The following DLGAP2 variants were observed in gnomAD, a reference collection of about 807,000 sequenced individuals.
DLGAP2 encodes the protein DLG associated protein 2, also known as disks large-associated protein 2.
In DLGAP2, 26 loss-of-function variants were observed where a neutral mutation model predicts 100.3. The observed-to-expected ratio is 0.26, with a 90% CI of 0.19 to 0.36. The LOEUF (loss-of-function observed/expected upper bound fraction) is 0.36, where lower values mean the gene tolerates loss of function less well. DLGAP2 is among the 10% of genes least tolerant of loss of function. The probability of loss-of-function intolerance (pLI) is 1.00; values close to 1 mark genes in which losing one functional copy is unlikely to be tolerated. For synonymous variants in DLGAP2, 886 were observed against 630.1 expected, an observed-to-expected ratio of 1.41 and a Z score of -6.08; for missense variants, 1,858 against 1,453.2, an observed-to-expected ratio of 1.28 and a Z score of -4.53.
intron 3 of DLGAP2, among the ~76,000 whole-genome samples, chr8:1,283,039 C>T (rs1585220917): frequency 7.1e-6 from 1 of 141,526 alleles, no homozygotes; most frequent in African/African-American, 2.7e-5. Context: ...GCACGTGAAC[C>T]ATCTGGACAT....
intron 6 of DLGAP2, among the ~76,000 whole-genome samples, chr8:1,575,105 C>T (rs898222590): frequency 2.0e-5 from 3 of 152,132 alleles, no homozygotes; most frequent in East Asian, 1.9e-4. Context: ...TCATCACAGA[C>T]GACAGAGTTT....
intron 3 of DLGAP2, among the ~76,000 whole-genome samples, chr8:1,288,123 G>A (rs1321804837): frequency 7.0e-6 from 1 of 143,666 alleles, no homozygotes; most frequent in Non-Finnish European, 1.5e-5. Context: ...GTTAGGAGGG[G>A]AACTAGTTTC....
intron 2 of DLGAP2, among the ~76,000 whole-genome samples, chr8:1,119,996 G>C (rs139068137): frequency 6.6e-6 from 1 of 152,194 alleles, no homozygotes; most frequent in East Asian, 1.9e-4. Context: ...GCACTTTTAG[G>C]GCTGGGCTGA....
chr8:756,302 C>CTT (rs1820919792), intron 1 of DLGAP2, among the ~76,000 whole-genome samples: 1 of 151,998 alleles, frequency 6.6e-6, no homozygotes, highest in African/African-American at 2.4e-5. Flanking sequence ...GGATAGGGAG[C>CTT]AGGTGTGGGC....
intron 2 of DLGAP2, among the ~76,000 whole-genome samples, chr8:986,661 G>GTT (rs1800495029): frequency 9.9e-6 from 1 of 100,584 alleles, no homozygotes; most frequent in Non-Finnish European, 1.9e-5. Context: ...CACTGTATTT[G>GTT]ATTTTTTTTT....
intron 2 of DLGAP2, among the ~76,000 whole-genome samples, chr8:1,253,462 T>C (rs1297809172): frequency 6.6e-6 from 1 of 152,244 alleles, no homozygotes; most frequent in Non-Finnish European, 1.5e-5. Context: ...AAGCTGCCTC[T>C]CCAAAAATAT....
At chr8:867,416 C>T (rs1330098776) in intron 1 of DLGAP2, among the ~76,000 whole-genome samples, 1 of 152,208 alleles carries the variant, frequency 6.6e-6, no homozygotes, top group Non-Finnish European at 1.5e-5. Flanking sequence ...GAGGAGGAGA[C>T]AGAAGGTCCT....
At chr8:1,242,839 G>A (rs139057721) in intron 2 of DLGAP2, among the ~76,000 whole-genome samples, 26 of 152,072 alleles carry the variant, frequency 1.7e-4, no homozygotes, top group Middle Eastern at 3.4e-3. Context: ...TGGATAGATG[G>A]GTGGACGGAC....
intron 2 of DLGAP2, among the ~76,000 whole-genome samples, chr8:1,098,828 C>T (rs1366289379): frequency 6.6e-6 from 1 of 151,354 alleles, no homozygotes; most frequent in Non-Finnish European, 1.5e-5. Context: ...CTCCCGGCCG[C>T]GCACGGACGC....
intron 6 of DLGAP2, among the ~76,000 whole-genome samples, chr8:1,619,312 A>T (rs1220852213): frequency 6.6e-6 from 1 of 152,226 alleles, no homozygotes; most frequent in African/African-American, 2.4e-5. Context: ...GTTAAAAAGA[A>T]TGACAATACA....
intron 1 of DLGAP2, among the ~76,000 whole-genome samples, chr8:875,657 A>G (rs1312002121): frequency 1.3e-5 from 2 of 152,196 alleles, no homozygotes; most frequent in Admixed American, 6.5e-5. Context: ...ATGTCCTTAT[A>G]GCAGTGTGAG....
intron 8 of DLGAP2, among the ~76,000 whole-genome samples, chr8:1,663,955 C>A (rs1211703909): frequency 6.6e-6 from 1 of 152,164 alleles, no homozygotes; most frequent in Admixed American, 6.5e-5. Flanking sequence ...TGTGACCAGT[C>A]GGTTCAGCCC....
intron 2 of DLGAP2, among the ~76,000 whole-genome samples, chr8:1,048,618 A>C (rs4735972): frequency 0.46 from 69,649 of 150,974 alleles, 16,512 homozygotes; most frequent in African/African-American, 0.58. Context: ...CCTTGGGCCA[A>C]ATAATTTGAA....
intron 4 of DLGAP2, among the ~76,000 whole-genome samples, chr8:1,511,669 C>G (rs1191793320): frequency 6.6e-6 from 1 of 151,428 alleles, no homozygotes; most frequent in Non-Finnish European, 1.5e-5. Flanking sequence ...TAAGGGCTGT[C>G]TAGTGTAGGA....
intron 2 of DLGAP2, among the ~76,000 whole-genome samples, chr8:1,079,437 C>CA (rs935951305): frequency 2.6e-5 from 4 of 151,582 alleles, no homozygotes; most frequent in East Asian, 1.9e-4. Flanking sequence ...AACTATTTTT[C>CA]AAAAAAAATT....
chr8:1,136,840 A>T (rs1796425109), intron 2 of DLGAP2, among the ~76,000 whole-genome samples: 1 of 152,148 alleles, frequency 6.6e-6, no homozygotes, highest in African/African-American at 2.4e-5. Context: ...GACCATTTTT[A>T]AATGTAGTGA....
At position 946,465 on chromosome 8, in the gene DLGAP2, A is replaced by T. The variant is rs74597202; in HGVS notation, c.73+38499A>T. On this transcript the variant is annotated intron_variant, in intron 2 of 14. Transcript: ENST00000637795. ...GTTTTTGTAGAGACGGGGTTTCACC[A>T]TATTAGCCAGGATGGTCTCGATCTC... is the stretch of plus-strand genomic sequence containing the variant. 5.5e-4 allele frequency among the ~76,000 whole-genome samples: 84 copies of T among 151,886 alleles called. 2 individuals carry two copies. The South Asian group carries it at 0.015, about 26-fold the overall frequency.
intron 3 of DLGAP2, among the ~76,000 whole-genome samples, chr8:1,306,613 G>A (rs529198511): frequency 2.1e-4 from 32 of 152,200 alleles, no homozygotes; most frequent in East Asian, 3.9e-4. Context: ...GAACTAAGTT[G>A]GAGTCTCACA....
chr8:1,390,311 T>C (rs1219619980), intron 3 of DLGAP2, among the ~76,000 whole-genome samples: 2 of 152,202 alleles, frequency 1.3e-5, no homozygotes, highest in Non-Finnish European at 2.9e-5. Context: ...GTGGTGTGCT[T>C]GTATCTTTAC....
Sources: gnomAD v4.1 joint callset for allele counts (sites outside exome capture counted in the v4.1 genomes callset) on GRCh38, gnomAD v4.1.1 for gene constraint, MANE v1.5 for transcripts, NCBI Gene and HGNC (gene_info 2026-07-23, HGNC 2026-07-21) for gene names.